Variants in MTARC2 observed in about 807,000 individuals in gnomAD.
MTARC2 encodes MOCO sulphurase C-terminal domain containing 2.
Under a neutral mutation model 35.6 loss-of-function variants are expected in MTARC2, and 27 were observed. The observed-to-expected ratio is 0.76, with a 90% CI of 0.56 to 1.04. The LOEUF (loss-of-function observed/expected upper bound fraction) is 1.04, where lower values mean the gene tolerates loss of function less well. Ranked by LOEUF, MTARC2 falls within the 50% of genes least tolerant of loss-of-function variation. The probability of loss-of-function intolerance (pLI) is 0.00; values close to 1 mark genes in which losing one functional copy is unlikely to be tolerated. For missense variants in MTARC2, 412 were observed against 432.5 expected, an observed-to-expected ratio of 0.95 and a Z score of 0.42; for synonymous variants, 158 against 167.1, an observed-to-expected ratio of 0.95 and a Z score of 0.42.
chr1:220,774,775 G>GAA (rs1671848153), intron 4 of MTARC2, among the ~76,000 whole-genome samples: 4 of 152,184 alleles, frequency 2.6e-5, no homozygotes, highest in Non-Finnish European at 5.9e-5. Context: ...TCTGTGGTCA[G>GAA]CTGGTATTTA....
chr1:220,753,084 C>T (rs1416624078), intron 1 of MTARC2, among the ~76,000 whole-genome samples: 5 of 148,648 alleles, frequency 3.4e-5, no homozygotes, highest in African/African-American at 7.5e-5. Flanking sequence ...AAAAATTAGC[C>T]GGGCATGGTG....
chr1:220,767,498 G>T (rs1671613213), intron 4 of MTARC2, among the ~76,000 whole-genome samples: 1 of 152,160 alleles, frequency 6.6e-6, no homozygotes, highest in African/African-American at 2.4e-5. Flanking sequence ...TTAAAAGGCT[G>T]CTTCCTTGGG....
At chr1:220,752,474 C>T (rs536695927) in intron 1 of MTARC2, among the ~76,000 whole-genome samples, 1 of 152,314 alleles carries the variant, frequency 6.6e-6, no homozygotes, top group African/African-American at 2.4e-5. Flanking sequence ...ACTGTAGCCC[C>T]ATTCTCTGGG....
chr1:220,778,849 A>C (rs970360133), intron 4 of MTARC2, among the ~76,000 whole-genome samples: 7 of 152,130 alleles, frequency 4.6e-5, no homozygotes, highest in Admixed American at 3.9e-4. Flanking sequence ...CAAGGACAAA[A>C]AGTTGAGGCT....
At chr1:220,752,815 C>T (rs758989055) in intron 1 of MTARC2, among the ~76,000 whole-genome samples, 5 of 152,004 alleles carry the variant, frequency 3.3e-5, no homozygotes, top group African/African-American at 4.8e-5. Context: ...CCGCTGTACT[C>T]CAGAGCCTGG....
At position 220,748,574 on chromosome 1, in the gene MTARC2, C is replaced by G; in HGVS notation, c.43C>G (p.Pro15Ala). 1 of 1,447,808 alleles carries G rather than the reference C, an allele frequency of 6.9e-7. No individual in the cohort carries two copies. The highest frequency in any genetic ancestry group is 9.0e-7 in the Non-Finnish European group (1 of 1,108,630). 89.7% of individuals were successfully genotyped at this position (1,447,808 alleles called of 1,614,324 possible). ...SSSALARLGL[P>A]ARPWPRWLGV... ...CTCCGCGCTGGCCCGCCTCGGCCTC[C>G]CAGCCCGGCCCTGGCCCAGGTGGCT... The change falls in exon 1 of 8, where the codon CCA (proline) becomes GCA (alanine). Residue 15 changes from proline to alanine, a missense_variant. Coordinates refer to ENST00000366913, the MANE Select transcript of MTARC2 (RefSeq NM_017898.5).
At chr1:220,782,810 G>T (rs946565132) in intron 7 of MTARC2, among the ~76,000 whole-genome samples, 1 of 152,200 alleles carries the variant, frequency 6.6e-6, no homozygotes, top group Non-Finnish European at 1.5e-5. Flanking sequence ...ACTTGGTTGA[G>T]ATGTTTAACT....
At chr1:220,770,348 G>A in intron 4 of MTARC2, 2 of 980,484 alleles carry the variant, frequency 2.0e-6, no homozygotes, top group African/African-American at 3.5e-5. Context: ...TGTTTATCAG[G>A]TCTCATCCAC....
At position 220,769,934 on chromosome 1, in the gene MTARC2, C is replaced by CAAAAAAAAAAAAAAAAAAAAAA. The variant is rs57739324; in HGVS notation, c.750+6886_750+6907dup. 1.9e-4 allele frequency among the ~76,000 whole-genome samples: 12 copies of CAAAAAAAAAAAAAAAAAAAAAA among 63,416 alleles called. 1 individual carries two copies. Among genetic ancestry groups the CAAAAAAAAAAAAAAAAAAAAAA allele is most frequent in the Admixed American group, 2.4e-4 (1 of 4,098 alleles). The allele number at this position is 63,416 out of a possible 152,430, so 41.6% of individuals were successfully genotyped here. A position where few individuals can be genotyped will look rare whatever the true frequency, so the allele number is the denominator to read the frequency against. On this transcript the variant is annotated intron_variant, in intron 4 of 7. Coordinates refer to ENST00000366913, the MANE Select transcript of MTARC2 (RefSeq NM_017898.5). ...TGAAACTCCATCTCTACTAAAAATA[C>CAAAAAAAAAAAAAAAAAAAAAA]AAAAAAAAAAAAAAAAAAAAAAATT... is the stretch of plus-strand genomic sequence containing the variant.
At chr1:220,763,833 C>A (rs1324426110) in intron 4 of MTARC2, among the ~76,000 whole-genome samples, 1 of 152,054 alleles carries the variant, frequency 6.6e-6, no homozygotes, top group Non-Finnish European at 1.5e-5. Flanking sequence ...TTACGATAAC[C>A]CTGTGAAATT....
At chr1:220,776,344 T>G (rs1671911322) in intron 4 of MTARC2, among the ~76,000 whole-genome samples, 1 of 152,210 alleles carries the variant, frequency 6.6e-6, no homozygotes, top group Non-Finnish European at 1.5e-5. Context: ...ACACTGGAAC[T>G]TGCTGAATAG....
chr1:220,769,934 CAAAAAAA>C (rs57739324), intron 4 of MTARC2, among the ~76,000 whole-genome samples: 30 of 63,420 alleles, frequency 4.7e-4, no homozygotes, highest in African/African-American at 6.8e-4. Context: ...ACTAAAAATA[CAAAAAAA>C]AAAAAAAAAA....
chr1:220,775,079 C>G (rs933888425), intron 4 of MTARC2, among the ~76,000 whole-genome samples: 1 of 152,098 alleles, frequency 6.6e-6, no homozygotes, highest in African/African-American at 2.4e-5. Flanking sequence ...TTTTGCTTGG[C>G]AAATGCCTAC....
At chr1:220,770,282 C>A in intron 4 of MTARC2, 2 of 502,988 alleles carry the variant, frequency 4.0e-6, no homozygotes, top group Non-Finnish European at 5.1e-6. Context: ...GTGAGCAAGG[C>A]TTTGTGTGAG....
At chr1:220,773,964 A>AACAC (rs3056885) in intron 4 of MTARC2, among the ~76,000 whole-genome samples, 3,496 of 148,516 alleles carry the variant, frequency 0.024, 91 homozygotes, top group African/African-American at 0.06. Context: ...ATTATATATA[A>AACAC]ACACACACAC....
chr1:220,752,762 G>T (rs1269561048), intron 1 of MTARC2, among the ~76,000 whole-genome samples: 2 of 152,048 alleles, frequency 1.3e-5, no homozygotes, highest in Admixed American at 1.3e-4. Flanking sequence ...CAGGAGGATC[G>T]CTTGAGCCCA....
At chr1:220,773,732 G>T (rs1194420907) in intron 4 of MTARC2, among the ~76,000 whole-genome samples, 1 of 152,050 alleles carries the variant, frequency 6.6e-6, no homozygotes, top group Non-Finnish European at 1.5e-5. Flanking sequence ...ATGTCACAGA[G>T]AATCTAATGA....
At chr1:220,750,546 T>G (rs951192513) in intron 1 of MTARC2, among the ~76,000 whole-genome samples, 1 of 152,186 alleles carries the variant, frequency 6.6e-6, no homozygotes, top group African/African-American at 2.4e-5. Flanking sequence ...TAAATACAAC[T>G]GTATTACCTT....
intron 3 of MTARC2, 135 bp from the exon 4 acceptor site, chr1:220,762,775 A>T (rs1671473510): frequency 1.1e-6 from 1 of 938,548 alleles, no homozygotes; most frequent in Non-Finnish European, 1.6e-6. Flanking sequence ...CCAAACTCAC[A>T]TCTCTCTCCT....
Sources: gnomAD v4.1 joint callset for allele counts (sites outside exome capture counted in the v4.1 genomes callset) on GRCh38, gnomAD v4.1.1 for gene constraint, MANE v1.5 for transcripts, NCBI Gene and HGNC (gene_info 2026-07-23, HGNC 2026-07-21) for gene names.